Variants in ADAMTS6 observed in about 807,000 individuals in gnomAD.
ADAMTS6 encodes the protein ADAM metallopeptidase with thrombospondin type 1 motif 6, also known as A disintegrin and metalloproteinase with thrombospondin motifs 6.
ADAMTS6 carries 23 observed loss-of-function variants against 144.3 expected under a neutral mutation model. The ratio of observed to expected loss-of-function variants is 0.16; its 90% CI spans 0.11 to 0.23. ADAMTS6 has a LOEUF of 0.23. ADAMTS6 is among the 10% of genes least tolerant of loss of function. The probability of loss-of-function intolerance (pLI) is 1.00; values close to 1 mark genes in which losing one functional copy is unlikely to be tolerated. For missense variants in ADAMTS6, 999 were observed against 1,379.6 expected (o/e 0.72, Z 4.37); for synonymous variants, 444 against 457.5 (o/e 0.97, Z 0.38).
chr5:65,224,472 T>A, intron 17 of ADAMTS6, 72 bp from the exon 18 acceptor site: 1 of 1,258,274 alleles, frequency 7.9e-7, no homozygotes, highest in Non-Finnish European at 1.2e-6. Flanking sequence ...CATTCAATAG[T>A]AATAGTTTCC....
chr5:65,271,721 TAAAG>T (rs756042024), intron 12 of ADAMTS6, among the ~76,000 whole-genome samples: 28 of 152,244 alleles, frequency 1.8e-4, no homozygotes, highest in Admixed American at 4.6e-4. Flanking sequence ...CAATGGCAAA[TAAAG>T]AAACAGATTC....
chr5:65,417,260 A>G (rs1225081352), intron 7 of ADAMTS6, among the ~76,000 whole-genome samples: 1 of 152,218 alleles, frequency 6.6e-6, no homozygotes, highest in African/African-American at 2.4e-5. Context: ...TGACAAACCC[A>G]CAGCCAACAT....
intron 7 of ADAMTS6, among the ~76,000 whole-genome samples, chr5:65,371,419 T>A (rs1750897836): frequency 6.6e-6 from 1 of 151,798 alleles, no homozygotes; most frequent in Non-Finnish European, 1.5e-5. Flanking sequence ...TACAGAGAAG[T>A]GCTTAAAGGA....
intron 7 of ADAMTS6, among the ~76,000 whole-genome samples, chr5:65,394,645 T>C (rs1470815366): frequency 6.6e-6 from 1 of 152,172 alleles, no homozygotes; most frequent in Non-Finnish European, 1.5e-5. Flanking sequence ...TCATTCAAGT[T>C]TCCACAGGGC....
chr5:65,176,353 A>G (rs1341756682), intron 22 of ADAMTS6, among the ~76,000 whole-genome samples: 1 of 152,228 alleles, frequency 6.6e-6, no homozygotes, highest in Admixed American at 6.5e-5. Context: ...AATGTAAAAC[A>G]AAACAGTTTA....
At chr5:65,360,465 C>G (rs987123836) in intron 7 of ADAMTS6, among the ~76,000 whole-genome samples, 2 of 151,972 alleles carry the variant, frequency 1.3e-5, no homozygotes, top group Non-Finnish European at 2.9e-5. Context: ...TGATGTAATC[C>G]TGTCACAATG....
At chr5:65,295,200 A>G (rs1039608863) in intron 10 of ADAMTS6, among the ~76,000 whole-genome samples, 3 of 152,134 alleles carry the variant, frequency 2.0e-5, no homozygotes, top group African/African-American at 7.2e-5. Flanking sequence ...CCTGGTATAA[A>G]TGTGTAAATC....
At chr5:65,252,810 T>TA (rs149926730) in intron 14 of ADAMTS6, among the ~76,000 whole-genome samples, 27,322 of 152,014 alleles carry the variant, frequency 0.18, 3,165 homozygotes, top group African/African-American at 0.33. Flanking sequence ...TGCAAGGTCC[T>TA]AAAGGAATTC....
chr5:65,398,818 AAGAAAGAAAG>A (rs1376291017), intron 7 of ADAMTS6, among the ~76,000 whole-genome samples: 3 of 137,532 alleles, frequency 2.2e-5, no homozygotes, highest in Non-Finnish European at 4.5e-5. Flanking sequence ...GAAAGAAAGA[AAGAAAGAAAG>A]AAAGAAAGAA....
Position 65,406,651 on chromosome 5 carries a change from A to G in ADAMTS6, c.1073+44824T>C, listed in dbSNP as rs557672864. On this transcript the variant is annotated intron_variant, in intron 7 of 24. Coordinates refer to ENST00000381055, the MANE Select transcript of ADAMTS6 (RefSeq NM_197941.4). ...TGCCAGGCTTTGGTATCACGATGAT[A>G]CTGGCCTCATAAAATGAGTTGGGAG... Among the ~76,000 whole-genome samples the G allele has an allele frequency of 5.3e-5, 8 of 152,184 alleles. No homozygotes were observed. In the East Asian group the frequency reaches 5.8e-4, roughly 11 times the overall value.
chr5:65,396,915 T>C (rs930367479), intron 7 of ADAMTS6, among the ~76,000 whole-genome samples: 1 of 152,230 alleles, frequency 6.6e-6, no homozygotes, highest in South Asian at 2.1e-4. Context: ...AGAATCAGTA[T>C]AATTTCTTTT....
chr5:65,164,724 CT>C (rs1753043412), intron 24 of ADAMTS6, among the ~76,000 whole-genome samples: 1 of 144,552 alleles, frequency 6.9e-6, no homozygotes, highest in African/African-American at 2.6e-5. Context: ...TCCCTGACCC[CT>C]GACCCCCGAG....
chr5:65,197,121 C>T lies in ADAMTS6; in HGVS notation c.2606G>A (p.Arg869Lys), dbSNP rs202153142. 2 of 1,613,848 alleles carry T rather than the reference C, an allele frequency of 1.2e-6. No individual in the cohort carries two copies. The highest frequency in any genetic ancestry group is 2.2e-5 in the East Asian group (1 of 44,870). The change falls in exon 21 of 25, where the codon AGG becomes AAG. Residue 869 changes from arginine to lysine, a missense_variant. Around this residue, in one of 3 missense-constraint regions of ADAMTS6, gnomAD observed 619 missense variants for 837.0 expected, o/e 0.74. Transcript: ENST00000381055. Reference sequence around the variant, plus strand: ...CTGGACAATGGAGTTGTCATCCAACCTTTTACAGACCACCTCCTGTCTTTG... The same window carrying T: ...CTGGACAATGGAGTTGTCATCCAACTTTTTACAGACCACCTCCTGTCTTTG... ...GVQRQEVVCK[R>K]LDDNSIVQNN...
intron 7 of ADAMTS6, among the ~76,000 whole-genome samples, chr5:65,406,405 C>G (rs1274988672): frequency 6.6e-6 from 1 of 151,954 alleles, no homozygotes; most frequent in Non-Finnish European, 1.5e-5. Flanking sequence ...TTGAGATAAT[C>G]ATGTGGTTTT....
chr5:65,360,761 C>T (rs1029596530), intron 7 of ADAMTS6, among the ~76,000 whole-genome samples: 9 of 151,988 alleles, frequency 5.9e-5, no homozygotes, highest in Non-Finnish European at 1.3e-4. Context: ...TTCTTTAATC[C>T]GACACCTAAG....
At chr5:65,177,601 A>G (rs1754059824) in intron 22 of ADAMTS6, among the ~76,000 whole-genome samples, 1 of 152,234 alleles carries the variant, frequency 6.6e-6, no homozygotes, top group Non-Finnish European at 1.5e-5. Flanking sequence ...GGACCACTAA[A>G]GAGCAAGGAT....
intron 9 of ADAMTS6, among the ~76,000 whole-genome samples, chr5:65,305,811 T>C (rs184430746): frequency 6.6e-6 from 1 of 151,288 alleles, no homozygotes; most frequent in Non-Finnish European, 1.5e-5. Context: ...TATGCACACA[T>C]GGACACACAC....
At chr5:65,175,820 A>G (rs771889078) in intron 22 of ADAMTS6, among the ~76,000 whole-genome samples, 52 of 152,130 alleles carry the variant, frequency 3.4e-4, no homozygotes, top group Middle Eastern at 3.4e-3. Context: ...CAGACCTAGG[A>G]GGAACTCCCT....
chr5:65,435,869 A>G (rs888927209), intron 7 of ADAMTS6, among the ~76,000 whole-genome samples: 2 of 151,776 alleles, frequency 1.3e-5, no homozygotes. Flanking sequence ...CAAGTGATCC[A>G]CCCGCCTCGG....
Sources: gnomAD v4.1 joint callset for allele counts (sites outside exome capture counted in the v4.1 genomes callset) on GRCh38, gnomAD v4.1.1 for gene constraint, gnomAD v4.1.1 regional missense constraint, MANE v1.5 for transcripts, NCBI Gene and HGNC (gene_info 2026-07-23, HGNC 2026-07-21) for gene names.